Variants in CHCHD3 observed in about 807,000 individuals in gnomAD.
CHCHD3 encodes coiled-coil-helix-coiled-coil-helix domain containing 3.
Under a neutral mutation model 38.2 loss-of-function variants are expected in CHCHD3, and 20 were observed. That is an observed-to-expected ratio of 0.52 (90% CI 0.37 to 0.76). CHCHD3 has a LOEUF of 0.76. CHCHD3 is among the 30% of genes least tolerant of loss of function. The pLI is 0.00. For missense variants in CHCHD3, 245 were observed against 279.2 expected, an observed-to-expected ratio of 0.88 and a Z score of 0.87; for synonymous variants, 82 against 100.0, an observed-to-expected ratio of 0.82 and a Z score of 1.07.
intron 4 of CHCHD3, among the ~76,000 whole-genome samples, chr7:132,921,454 T>C (rs1186503040): frequency 6.6e-6 from 1 of 152,114 alleles, no homozygotes; most frequent in Non-Finnish European, 1.5e-5. Flanking sequence ...TTCAAAGTAA[T>C]AAGATTAATA....
At chr7:132,984,642 C>T (rs967137489) in intron 3 of CHCHD3, among the ~76,000 whole-genome samples, 2 of 148,936 alleles carry the variant, frequency 1.3e-5, no homozygotes, top group African/African-American at 2.5e-5. Flanking sequence ...GGCCGCCCAT[C>T]GTCTGAGATG....
chr7:133,069,221 G>A (rs1416264243), intron 2 of CHCHD3, among the ~76,000 whole-genome samples: 1 of 144,694 alleles, frequency 6.9e-6, no homozygotes, highest in Non-Finnish European at 1.5e-5. Flanking sequence ...AAAGGGGCAA[G>A]AAGTCATTCT....
At chr7:132,966,854 C>T (rs1811477472) in intron 4 of CHCHD3, among the ~76,000 whole-genome samples, 1 of 152,132 alleles carries the variant, frequency 6.6e-6, no homozygotes, top group South Asian at 2.1e-4. Context: ...AAGCAAATAC[C>T]AAGGGCTGTA....
intron 6 of CHCHD3, among the ~76,000 whole-genome samples, chr7:132,806,258 T>A (rs1171880717): frequency 6.6e-6 from 1 of 152,084 alleles, no homozygotes; most frequent in Non-Finnish European, 1.5e-5. Flanking sequence ...GGAGAAAGAA[T>A]CTGAGCAGAG....
chr7:133,043,942 A>G (rs1813905527), intron 2 of CHCHD3, among the ~76,000 whole-genome samples: 1 of 152,198 alleles, frequency 6.6e-6, no homozygotes, highest in African/African-American at 2.4e-5. Flanking sequence ...TCTAGTGAAA[A>G]GCATCCTGAC....
chr7:132,882,624 A>G (rs1262044299), intron 5 of CHCHD3, among the ~76,000 whole-genome samples: 1 of 152,070 alleles, frequency 6.6e-6, no homozygotes, highest in Non-Finnish European at 1.5e-5. Flanking sequence ...TCAATCTGCC[A>G]GAAACAAATC....
At chr7:132,938,730 C>T (rs527979887) in intron 4 of CHCHD3, among the ~76,000 whole-genome samples, 2 of 152,232 alleles carry the variant, frequency 1.3e-5, no homozygotes, top group South Asian at 4.1e-4. Flanking sequence ...TGCAGTGTGT[C>T]CCCGACACCG....
chr7:132,817,654 T>C (rs1458613352), intron 6 of CHCHD3, among the ~76,000 whole-genome samples: 1 of 152,120 alleles, frequency 6.6e-6, no homozygotes, highest in East Asian at 1.9e-4. Context: ...CACTGACACC[T>C]TGGGATAACT....
At chr7:132,935,009 G>A (rs1011565058) in intron 4 of CHCHD3, among the ~76,000 whole-genome samples, 1 of 152,160 alleles carries the variant, frequency 6.6e-6, no homozygotes, top group African/African-American at 2.4e-5. Context: ...TATAAAAAAA[G>A]GGAGGAAGCC....
At chr7:132,926,385 T>C (rs1015950864) in intron 4 of CHCHD3, among the ~76,000 whole-genome samples, 5 of 152,158 alleles carry the variant, frequency 3.3e-5, no homozygotes, top group Non-Finnish European at 5.9e-5. Context: ...GGAAGACTAG[T>C]TCAGAGTTAC....
intron 6 of CHCHD3, among the ~76,000 whole-genome samples, chr7:132,820,616 T>G (rs376834327): frequency 4.7e-5 from 7 of 149,516 alleles, no homozygotes; most frequent in Non-Finnish European, 8.9e-5. Context: ...CTAGTGTTTT[T>G]TTTTTTTTTT....
At chr7:132,910,833 G>A (rs1364197317) in intron 4 of CHCHD3, among the ~76,000 whole-genome samples, 1 of 152,152 alleles carries the variant, frequency 6.6e-6, no homozygotes, top group African/African-American at 2.4e-5. Context: ...TACCGAGTCT[G>A]AGTAAGGCTA....
intron 2 of CHCHD3, among the ~76,000 whole-genome samples, chr7:133,058,650 C>A (rs1218350460): frequency 2.6e-5 from 4 of 152,168 alleles, no homozygotes; most frequent in Non-Finnish European, 5.9e-5. Flanking sequence ...TCAAAACTGA[C>A]ACACAGCAAT....
intron 4 of CHCHD3, among the ~76,000 whole-genome samples, chr7:132,959,620 G>A (rs191302757): frequency 1.2e-4 from 18 of 151,862 alleles, no homozygotes; most frequent in Non-Finnish European, 2.2e-4. Flanking sequence ...CTACTCAGGA[G>A]GTTGAGGTGG....
At chr7:132,824,052 C>T (rs1563246431) in intron 6 of CHCHD3, among the ~76,000 whole-genome samples, 1 of 152,130 alleles carries the variant, frequency 6.6e-6, no homozygotes, top group Non-Finnish European at 1.5e-5. Context: ...GAACTTTGCT[C>T]TCAATCAATA....
chr7:133,026,799 A>G (rs544116458), intron 2 of CHCHD3, among the ~76,000 whole-genome samples: 1 of 152,380 alleles, frequency 6.6e-6, no homozygotes, highest in South Asian at 2.1e-4. Flanking sequence ...ACATCCATTC[A>G]TGTGAAATGT....
chr7:132,897,484 A>G (rs1343707696), intron 4 of CHCHD3, among the ~76,000 whole-genome samples: 1 of 152,214 alleles, frequency 6.6e-6, no homozygotes, highest in Non-Finnish European at 1.5e-5. Flanking sequence ...GAGATCACTC[A>G]GTTCATTTTC....
chr7:132,967,034 T>A (rs1401651833), intron 4 of CHCHD3, among the ~76,000 whole-genome samples: 3 of 152,170 alleles, frequency 2.0e-5, no homozygotes, highest in African/African-American at 7.2e-5. Flanking sequence ...TACGCAGTGC[T>A]CTCCATATCT....
chr7:133,004,345 T>C (rs1430125475), intron 3 of CHCHD3, among the ~76,000 whole-genome samples: 1 of 152,232 alleles, frequency 6.6e-6, no homozygotes, highest in Non-Finnish European at 1.5e-5. Context: ...TTTTTCCATA[T>C]ATCTTATCAG....
Sources: allele counts gnomAD v4.1 joint callset (sites outside exome capture counted in the v4.1 genomes callset), GRCh38; gene constraint gnomAD v4.1.1; transcripts MANE v1.5; gene names NCBI Gene and HGNC (gene_info 2026-07-23, HGNC 2026-07-21).